PYGB: variants seen among roughly 807,000 people sequenced by gnomAD.
PYGB encodes glycogen phosphorylase, brain form.
PYGB carries 82 observed loss-of-function variants against 94.3 expected under a neutral mutation model. The ratio of observed to expected loss-of-function variants is 0.87; its 90% CI spans 0.73 to 1.04. PYGB has a LOEUF of 1.04. PYGB is among the 50% of genes least tolerant of loss of function. PYGB has a pLI of 0.00. For synonymous variants in PYGB, 488 were observed against 479.1 expected, an observed-to-expected ratio of 1.02 and a Z score of -0.24; for missense variants, 1,132 against 1,158.2, an observed-to-expected ratio of 0.98 and a Z score of 0.33.
At chr20:25,281,368 G>A (rs565452282) in intron 11 of PYGB, among the ~76,000 whole-genome samples, 1 of 152,214 alleles carries the variant, frequency 6.6e-6, no homozygotes, top group African/African-American at 2.4e-5. Context: ...TTTGTCTCCT[G>A]TTGCTCTCCT....
chr20:25,286,011 A>G (rs1218441071), intron 14 of PYGB, among the ~76,000 whole-genome samples: 2 of 152,000 alleles, frequency 1.3e-5, no homozygotes, highest in African/African-American at 4.8e-5. Context: ...TCCTTCCCCC[A>G]GTGCTTTTTA....
rs7018 is a variant in PYGB, at chr20:25,297,625, A to G, written c.*1103A>G. 0.43 allele frequency: 65,424 copies of G among 152,254 alleles called. 14,840 individuals carry two copies. Among genetic ancestry groups the G allele is most frequent in the East Asian group, 0.92 (4,753 of 5,178 alleles). The allele number at this position is 152,254 out of a possible 1,614,324, so 9.4% of individuals were successfully genotyped here. A position where few individuals can be genotyped will look rare whatever the true frequency, so the allele number is the denominator to read the frequency against. On this transcript the variant is annotated 3_prime_UTR_variant, in exon 20 of 20. Coordinates refer to ENST00000216962, the MANE Select transcript of PYGB (RefSeq NM_002862.4). ...CCCCTCACAGCCTTGCCCCTCCCCA[A>G]GGCTGGCAACCTGCCTCCCATTGCC... is the stretch of plus-strand genomic sequence containing the variant.
Position 25,278,459 on chromosome 20 carries a change from C to G in PYGB, c.996C>G (p.Asp332Glu). The change falls in exon 8 of 20, where the codon GAC becomes GAG. Residue 332 changes from aspartate (D) to glutamate (E), a missense_variant. By Grantham distance (45) the Asp-to-Glu change is conservative. Transcript: ENST00000216962. ...GAACCTGTTTCGAGACGTTCCCAGA[C>G]AAGGTGCATGGTGGCCCTGGGAGGG... The part of the protein sequence containing the change: ...PVRTCFETFP[D>E]KVAIQLNDTH... The G allele has an allele frequency of 6.2e-7, 1 of 1,614,086 alleles. No individual in the cohort carries two copies. The highest frequency in any genetic ancestry group is 8.5e-7 in the Non-Finnish European group (1 of 1,179,972).
chr20:25,264,574 A>G (rs1368519386), intron 2 of PYGB, among the ~76,000 whole-genome samples: 1 of 152,226 alleles, frequency 6.6e-6, no homozygotes, highest in Non-Finnish European at 1.5e-5. Flanking sequence ...AACTTCAGCA[A>G]AGTCTCAGGA....
In PYGB at chr20:25,296,600, T is replaced by G. The variant is rs948759950; in HGVS notation, c.*78T>G. 4.0e-6 allele frequency: 6 copies of G among 1,509,942 alleles called. No homozygotes were observed. The African/African-American group carries it at 8.2e-5, about 21-fold the overall frequency. The allele number at this position is 1,509,942 out of a possible 1,614,324, so 93.5% of individuals were successfully genotyped here. On this transcript the variant is annotated 3_prime_UTR_variant, in exon 20 of 20. Coordinates refer to ENST00000216962, the MANE Select transcript of PYGB (RefSeq NM_002862.4). ...CACCTCCTTTTTTCCCCAAACACTT[T>G]GCCAGCCACTGGTGGTCCCTGCTTT...
At position 25,294,300 on chromosome 20, in the gene PYGB, C is replaced by T. The variant is rs200316874; in HGVS notation, c.2312+8C>T. 22 of 1,389,982 alleles carry T rather than the reference C, an allele frequency of 1.6e-5. No individual in the cohort carries two copies. Among genetic ancestry groups the T allele is most frequent in the Middle Eastern group, 2.0e-4 (1 of 5,020 alleles). The allele number at this position is 1,389,982 out of a possible 1,614,324, so 86.1% of individuals were successfully genotyped here. ...GCTGATGCACCATGACAGGTGGGAC[C>T]GACTTCCCTGGTTGGGTGGCTGGGA... On this transcript the variant is annotated splice_region_variant and intron_variant, in intron 18 of 19. Coordinates refer to ENST00000216962, the MANE Select transcript of PYGB (RefSeq NM_002862.4).
At chr20:25,271,030 G>A (rs1189241361) in intron 3 of PYGB, among the ~76,000 whole-genome samples, 2 of 152,110 alleles carry the variant, frequency 1.3e-5, no homozygotes, top group African/African-American at 2.4e-5. Context: ...GAACAGCCTG[G>A]GTTTCAGTGG....
intron 1 of PYGB, 56 bp downstream of exon 1, chr20:25,248,477 G>T (rs2092877525): frequency 1.8e-5 from 24 of 1,300,144 alleles, no homozygotes; most frequent in Non-Finnish European, 2.4e-5. Context: ...GCCGGTCCCG[G>T]AGCCGCGCCA....
rs528534058 is a variant in PYGB at position 25,278,449 on chromosome 20, C to T, written c.986C>T (p.Thr329Met). The change falls in exon 8 of 20, where the codon ACG (threonine) becomes ATG (methionine). Residue 329 changes from threonine (T) to methionine (M), a missense_variant. Physicochemically the swap from Thr to Met is moderately conservative, Grantham distance 81. Transcript: ENST00000216962. Reference protein sequence around the residue: ...CRDPVRTCFETFPDKVAIQLN... With the variant: ...CRDPVRTCFEMFPDKVAIQLN... ...GACCCTGTGAGAACCTGTTTCGAGA[C>T]GTTCCCAGACAAGGTGCATGGTGGC... is the stretch of plus-strand genomic sequence containing the variant. 4.4e-5 allele frequency: 71 copies of T among 1,614,146 alleles called. No homozygotes were observed. The highest frequency in any genetic ancestry group is 1.4e-4 in the South Asian group (13 of 91,084).
At chr20:25,264,104 G>C (rs1423436952) in intron 2 of PYGB, among the ~76,000 whole-genome samples, 1 of 152,148 alleles carries the variant, frequency 6.6e-6, no homozygotes, top group African/African-American at 2.4e-5. Flanking sequence ...TTCATCCCTG[G>C]GATGCAAGGC....
intron 17 of PYGB, 37 bp from the exon 18 acceptor site, chr20:25,294,121 G>A (rs1166670609): frequency 1.2e-6 from 2 of 1,607,664 alleles, no homozygotes; most frequent in South Asian, 1.1e-5. Context: ...GCCCACCTGG[G>A]GCGCTGGCTG....
At chr20:25,269,527 G>A (rs2474772) in intron 3 of PYGB, among the ~76,000 whole-genome samples, 3,663 of 152,288 alleles carry the variant, frequency 0.024, 137 homozygotes, top group African/African-American at 0.08. Context: ...CAGCCCAAAG[G>A]ATGGAAAGAT....
At chr20:25,278,748 G>C (rs561485640) in intron 8 of PYGB, among the ~76,000 whole-genome samples, 1 of 152,212 alleles carries the variant, frequency 6.6e-6, no homozygotes, top group Non-Finnish European at 1.5e-5. Flanking sequence ...AAGCCCTATA[G>C]TTCCAGTGAG....
At chr20:25,294,424 A>AGTAAGGTC in intron 18 of PYGB, 132 bp downstream of exon 18, 1 of 1,186,828 alleles carries the variant, frequency 8.4e-7, no homozygotes, top group Non-Finnish European at 1.2e-6. Flanking sequence ...CACTGTGCCC[A>AGTAAGGTC]TGAGACCTTA....
chr20:25,276,801 CT>C, intron 6 of PYGB, 44 bp downstream of exon 6: 1 of 1,565,168 alleles, frequency 6.4e-7, no homozygotes, highest in Admixed American at 1.7e-5. Flanking sequence ...ATGTGGGTGG[CT>C]GGTCCCAGAC....
chr20:25,249,147 C>T (rs2092880295), intron 1 of PYGB, among the ~76,000 whole-genome samples: 2 of 152,198 alleles, frequency 1.3e-5, no homozygotes, highest in Admixed American at 1.3e-4. Flanking sequence ...TTACTCTTAA[C>T]CATGTTTACT....
At chr20:25,269,034 TAGCATA>T in intron 2 of PYGB, 89 bp from the exon 3 acceptor site, 1 of 1,095,798 alleles carries the variant, frequency 9.1e-7, no homozygotes, top group Non-Finnish European at 1.4e-6. Flanking sequence ...CTCTAACTTT[TAGCATA>T]AGCTCACAAG....
At chr20:25,258,359 G>A (rs1255579672) in intron 1 of PYGB, among the ~76,000 whole-genome samples, 1 of 152,174 alleles carries the variant, frequency 6.6e-6, no homozygotes, top group Non-Finnish European at 1.5e-5. Flanking sequence ...CACCCTCAAG[G>A]TGGCAGACAG....
chr20:25,280,469 C>G, intron 10 of PYGB, 57 bp downstream of exon 10: 1 of 1,578,014 alleles, frequency 6.3e-7, no homozygotes, highest in Non-Finnish European at 8.7e-7. Flanking sequence ...GCCAACGGCC[C>G]CCCACCTGGC....
Sources: gnomAD v4.1 joint callset for allele counts (sites outside exome capture counted in the v4.1 genomes callset) on GRCh38, gnomAD v4.1.1 for gene constraint, MANE v1.5 for transcripts, NCBI Gene and HGNC (gene_info 2026-07-23, HGNC 2026-07-21) for gene names.